The following LRRC39 variants were observed in gnomAD, a reference collection of about 807,000 sequenced individuals.
The protein encoded by LRRC39 is leucine rich repeat containing 39.
LRRC39 carries 35 observed loss-of-function variants against 39.7 expected under a neutral mutation model. The ratio of observed to expected loss-of-function variants is 0.88; its 90% CI spans 0.67 to 1.17. LRRC39 has a LOEUF of 1.17. Among genes scored for constraint, LRRC39 ranks in the 50% most tolerant of loss-of-function variants. The pLI is 0.00. For missense variants in LRRC39, 357 were observed against 385.8 expected, an observed-to-expected ratio of 0.93 and a Z score of 0.62; for synonymous variants, 113 against 134.1, an observed-to-expected ratio of 0.84 and a Z score of 1.09.
At chr1:100,174,873 G>A (rs914228337) in intron 1 of LRRC39, among the ~76,000 whole-genome samples, 1 of 152,192 alleles carries the variant, frequency 6.6e-6, no homozygotes, top group Admixed American at 6.5e-5. Flanking sequence ...AATCCCCAAC[G>A]TTGGAGGTGT....
At chr1:100,172,278 A>T (rs1033323401) in intron 2 of LRRC39, among the ~76,000 whole-genome samples, 9 of 152,284 alleles carry the variant, frequency 5.9e-5, no homozygotes, top group African/African-American at 1.9e-4. Context: ...TTGATACCAA[A>T]CCCCAAGAAT....
At position 100,155,094 on chromosome 1, in the gene LRRC39, G is replaced by T; in HGVS notation, c.769C>A (p.Leu257Met). The change falls in exon 8 of 10, where the codon CTG (leucine) becomes ATG (methionine). Residue 257 changes from leucine (L) to methionine (M), a missense_variant. Transcript: ENST00000370137. Reference protein sequence around the residue: ...LGTLVLSNNKLQDIPVCMEEM... With the variant: ...LGTLVLSNNKMQDIPVCMEEM... ...TCCATGCATACTGGAATATCTTGCA[G>T]TTTATTGTTGCTGAGAACAAGAGTA... 1 of 1,607,986 alleles carries T rather than the reference G, an allele frequency of 6.2e-7. No homozygotes were observed. Among genetic ancestry groups the T allele is most frequent in the Non-Finnish European group, 8.5e-7 (1 of 1,177,986 alleles).
intron 1 of LRRC39, among the ~76,000 whole-genome samples, chr1:100,175,464 A>G (rs1659894462): frequency 6.6e-6 from 1 of 151,954 alleles, no homozygotes; most frequent in Non-Finnish European, 1.5e-5. Flanking sequence ...CTAGGATCAC[A>G]AACATGAGCT....
At chr1:100,160,836 G>A (rs1483894337) in intron 3 of LRRC39, among the ~76,000 whole-genome samples, 2 of 151,990 alleles carry the variant, frequency 1.3e-5, no homozygotes, top group Admixed American at 1.3e-4. Context: ...GTGTTGGCCA[G>A]GCTGGTCTCG....
chr1:100,149,151 A>G, intron 9 of LRRC39, 54 bp from the exon 10 acceptor site: 2 of 1,554,180 alleles, frequency 1.3e-6, no homozygotes, highest in Non-Finnish European at 1.7e-6. Context: ...GTTTGTATTA[A>G]TTTTGGAAAT....
intron 2 of LRRC39, among the ~76,000 whole-genome samples, chr1:100,169,372 C>T (rs1264676313): frequency 6.6e-6 from 1 of 151,920 alleles, no homozygotes; most frequent in Non-Finnish European, 1.5e-5. Flanking sequence ...ATAAAATTTG[C>T]AACAACATAG....
chr1:100,156,507 T>G (rs1482946990), intron 6 of LRRC39, among the ~76,000 whole-genome samples, 190 bp from the exon 7 acceptor site: 2 of 152,316 alleles, frequency 1.3e-5, no homozygotes, highest in South Asian at 4.1e-4. Flanking sequence ...AGTGGAAAAC[T>G]CTCATAGAAA....
In LRRC39 at chr1:100,148,792, A is replaced by G. The variant is rs775888909; in HGVS notation, c.*250T>C. ...GTTTTGTTAACTGCTTTACCAAATC[A>G]TTCTTCATCACCAGAAACAACTGCT... is the stretch of plus-strand genomic sequence containing the variant. On this transcript the variant is annotated 3_prime_UTR_variant, in exon 10 of 10. Coordinates refer to ENST00000370137, the MANE Select transcript of LRRC39 (RefSeq NM_144620.4). The G allele has an allele frequency of 1.3e-6, 2 of 1,522,510 alleles. No individual in the cohort carries two copies. The highest frequency in any genetic ancestry group is 8.8e-7 in the Non-Finnish European group (1 of 1,137,726). The allele number at this position is 1,522,510 out of a possible 1,614,324, so 94.3% of individuals were successfully genotyped here. A position where few individuals can be genotyped will look rare whatever the true frequency, so the allele number is the denominator to read the frequency against.
chr1:100,149,143 T>G, intron 9 of LRRC39, 46 bp from the exon 10 acceptor site: 1 of 1,564,382 alleles, frequency 6.4e-7, no homozygotes, highest in South Asian at 1.2e-5. Context: ...GTATTTCTGT[T>G]TGTATTAATT....
rs527977921 is a variant in LRRC39 at position 100,157,052 on chromosome 1, A to G, written c.514-735T>C. 3.3e-4 allele frequency among the ~76,000 whole-genome samples: 51 copies of G among 152,338 alleles called. No individual in the cohort carries two copies. The South Asian group carries it at 4.4e-3, about 13-fold the overall frequency. On this transcript the variant is annotated intron_variant, in intron 6 of 9. Transcript: ENST00000370137. ...TTTATAATGATGGAGCCAACCCAGA[A>G]ACAAAAACACATGAGTTAGAAATAA...
At chr1:100,168,686 T>C (rs1476225368) in intron 2 of LRRC39, 92 bp from the exon 3 acceptor site, 3 of 539,868 alleles carry the variant, frequency 5.6e-6, no homozygotes, top group Non-Finnish European at 9.6e-6. Context: ...ACACATTCCA[T>C]GCTCCAAAAA....
chr1:100,148,631 T>C lies in LRRC39; in HGVS notation c.*411A>G. The C allele has an allele frequency of 6.2e-7, 1 of 1,605,504 alleles. No individual in the cohort carries two copies. Among genetic ancestry groups the C allele is most frequent in the South Asian group, 1.1e-5 (1 of 88,258 alleles). On this transcript the variant is annotated 3_prime_UTR_variant, in exon 10 of 10. Coordinates refer to ENST00000370137, the MANE Select transcript of LRRC39 (RefSeq NM_144620.4). ...GTGTGTTTATTCAATTTAGGCTTCT[T>C]AGTGTTGAAGAAAAGAAGAAAATAG... is the stretch of plus-strand genomic sequence containing the variant.
At chr1:100,158,192 G>C (rs1014991497) in intron 6 of LRRC39, 39 bp downstream of exon 6, 2 of 1,601,146 alleles carry the variant, frequency 1.2e-6, no homozygotes, top group East Asian at 4.5e-5. Flanking sequence ...AACTACTGCA[G>C]ATGGAAAATA....
intron 8 of LRRC39, among the ~76,000 whole-genome samples, chr1:100,153,263 A>G (rs1484278071): frequency 6.6e-6 from 1 of 152,170 alleles, no homozygotes; most frequent in Non-Finnish European, 1.5e-5. Flanking sequence ...CTCATTTGTC[A>G]GAAGATTAAG....
intron 8 of LRRC39, among the ~76,000 whole-genome samples, chr1:100,153,963 T>G (rs1658261408): frequency 6.6e-6 from 1 of 152,160 alleles, no homozygotes; most frequent in South Asian, 2.1e-4. Flanking sequence ...TTGTGCTTAT[T>G]TAGGAAATAA....
intron 3 of LRRC39, among the ~76,000 whole-genome samples, chr1:100,164,905 A>G (rs1436129798): frequency 2.6e-5 from 4 of 151,956 alleles, no homozygotes; most frequent in African/African-American, 9.7e-5. Context: ...GGGTCTCGCT[A>G]TGTTGCCCAG....
chr1:100,153,922 T>C (rs1570762882), intron 8 of LRRC39, among the ~76,000 whole-genome samples: 1 of 152,134 alleles, frequency 6.6e-6, no homozygotes, highest in East Asian at 1.9e-4. Context: ...CCGACTAATA[T>C]ATCTGCTATC....
In LRRC39 at chr1:100,167,778, AAATAATAATAATAATAAT is replaced by A. The variant is rs5776500; in HGVS notation, c.113+608_113+625del. Among the ~76,000 whole-genome samples, 167 of 137,392 alleles carry A rather than the reference AAATAATAATAATAATAAT, an allele frequency of 1.2e-3. 1 individual carries two copies. The highest frequency in any genetic ancestry group is 2.9e-3 in the African/African-American group (109 of 37,542). 90.1% of individuals were successfully genotyped at this position (137,392 alleles called of 152,430 possible). On this transcript the variant is annotated intron_variant, in intron 3 of 9. Coordinates refer to ENST00000370137, the MANE Select transcript of LRRC39 (RefSeq NM_144620.4). ...GCGACAGAGTGAGTCTCCATTTCAA[AAATAATAATAATAATAAT>A]AATAATAATAATAATAATAATAATA... is the stretch of plus-strand genomic sequence containing the variant.
At chr1:100,166,463 A>G (rs577175623) in intron 3 of LRRC39, among the ~76,000 whole-genome samples, 2 of 152,304 alleles carry the variant, frequency 1.3e-5, no homozygotes, top group East Asian at 3.9e-4. Flanking sequence ...GTGATCGCAG[A>G]TGGAGATGAG....
Sources: gnomAD v4.1 joint callset for allele counts (sites outside exome capture counted in the v4.1 genomes callset) on GRCh38, gnomAD v4.1.1 for gene constraint, MANE v1.5 for transcripts, NCBI Gene and HGNC (gene_info 2026-07-23, HGNC 2026-07-21) for gene names.